The following ATAD2B variants were observed in gnomAD, a reference collection of about 807,000 sequenced individuals.
The protein encoded by ATAD2B is ATPase family AAA domain containing 2B.
ATAD2B carries 40 observed loss-of-function variants against 167.6 expected under a neutral mutation model. That is an observed-to-expected ratio of 0.24 (90% CI 0.19 to 0.31). The LOEUF is 0.31. Among genes scored for constraint, ATAD2B ranks in the 10% least tolerant of loss-of-function variants. The pLI, the probability that ATAD2B is intolerant of heterozygous loss-of-function variation, is 1.00. For missense variants in ATAD2B, 1,242 were observed against 1,757.2 expected (o/e 0.71, Z 5.24); for synonymous variants, 579 against 596.5 (o/e 0.97, Z 0.43).
intron 12 of ATAD2B, among the ~76,000 whole-genome samples, chr2:23,860,462 A>T (rs536251365): frequency 2.0e-5 from 3 of 152,304 alleles, no homozygotes; most frequent in Non-Finnish European, 4.4e-5. Context: ...TAAGTATTAG[A>T]TCTAGAAAGA....
chr2:23,860,603 G>A (rs1190063923), intron 12 of ATAD2B, among the ~76,000 whole-genome samples: 1 of 152,206 alleles, frequency 6.6e-6, no homozygotes, highest in African/African-American at 2.4e-5. Context: ...AGTTTACTAA[G>A]GAAGAGAGAT....
chr2:23,923,979 G>C (rs904941760), intron 1 of ATAD2B, among the ~76,000 whole-genome samples: 2 of 151,964 alleles, frequency 1.3e-5, no homozygotes, highest in African/African-American at 4.8e-5. Context: ...TCAGGAGATC[G>C]ACACCATCCT....
At position 23,863,167 on chromosome 2, in the gene ATAD2B, G is replaced by A. The variant is rs528523103; in HGVS notation, c.1479+214C>T. ...TAAAAAATACAAAAATCAGCCAGGCGTGGTGATGCACACCTGTAGTTCAGG... is the reference window on the plus strand; with the variant it reads ...TAAAAAATACAAAAATCAGCCAGGCATGGTGATGCACACCTGTAGTTCAGG... On this transcript the variant is annotated intron_variant, in intron 12 of 27. Transcript: ENST00000238789. Among the ~76,000 whole-genome samples the A allele has an allele frequency of 1.1e-3, 170 of 152,226 alleles. 1 individual carries two copies. The highest frequency in any genetic ancestry group is 4.0e-3 in the African/African-American group (166 of 41,548).
At chr2:23,783,486 G>T (rs1024641207) in intron 21 of ATAD2B, among the ~76,000 whole-genome samples, 5 of 151,902 alleles carry the variant, frequency 3.3e-5, no homozygotes, top group Non-Finnish European at 5.9e-5. Context: ...GTTTTCTAGA[G>T]TGAACTATTT....
intron 22 of ATAD2B, among the ~76,000 whole-genome samples, chr2:23,766,046 T>C (rs978046270): frequency 5.3e-5 from 8 of 152,180 alleles, no homozygotes; most frequent in African/African-American, 1.2e-4. Flanking sequence ...TAAGTTGACA[T>C]TGGTCAAAAC....
chr2:23,840,222 A>G (rs944772876), intron 13 of ATAD2B, among the ~76,000 whole-genome samples: 7 of 152,114 alleles, frequency 4.6e-5, no homozygotes, highest in African/African-American at 7.2e-5. Context: ...ATTTTCCCCT[A>G]TGTTTTTTCT....
At chr2:23,825,333 T>C (rs777470576) in intron 15 of ATAD2B, among the ~76,000 whole-genome samples, 15 of 152,032 alleles carry the variant, frequency 9.9e-5, no homozygotes, top group Non-Finnish European at 1.6e-4. Context: ...CTATTCAAAG[T>C]TAGGGAAAAA....
chr2:23,797,942 T>C (rs17462558), intron 19 of ATAD2B, among the ~76,000 whole-genome samples, 196 bp downstream of exon 19: 18,300 of 152,120 alleles, frequency 0.12, 1,174 homozygotes, highest in Middle Eastern at 0.22. Flanking sequence ...ATAACAACAC[T>C]GTGGAATACC....
chr2:23,789,974 G>T (rs1489342841), intron 19 of ATAD2B, among the ~76,000 whole-genome samples: 1 of 152,122 alleles, frequency 6.6e-6, no homozygotes, highest in East Asian at 1.9e-4. Context: ...TCAAAAACTG[G>T]ATGGGGAATT....
the ATAD2B span, among the ~76,000 whole-genome samples, chr2:23,685,838 G>T: frequency 6.6e-6 from 1 of 152,224 alleles, no homozygotes; most frequent in Non-Finnish European, 1.5e-5. Flanking sequence ...GGACAGCAGG[G>T]GCCCGCATCG....
At chr2:23,741,953 A>T in the ATAD2B span, among the ~76,000 whole-genome samples, 2 of 152,248 alleles carry the variant, frequency 1.3e-5, no homozygotes, top group African/African-American at 2.4e-5. Flanking sequence ...ACATGAAAAA[A>T]TGCTCATCAT....
In ATAD2B at chr2:23,749,242, C is replaced by T. The variant is rs1379143836; in HGVS notation, c.*2804G>A. 5 of 151,992 alleles carry T rather than the reference C, an allele frequency of 3.3e-5. No individual in the cohort carries two copies. Among genetic ancestry groups the T allele is most frequent in the African/African-American group, 1.2e-4 (5 of 41,474 alleles). 9.4% of individuals were successfully genotyped at this position (151,992 alleles called of 1,614,324 possible). A position where few individuals can be genotyped will look rare whatever the true frequency, so the allele number is the denominator to read the frequency against. On this transcript the variant is annotated 3_prime_UTR_variant, in exon 28 of 28. Coordinates refer to ENST00000238789, the MANE Select transcript of ATAD2B (RefSeq NM_017552.4). The stretch of plus-strand genomic sequence containing the variant: ...AACTCCACAGCCATCAGTTTCAACC[C>T]TAGTGCGGTTCCATCATCTTCAAAA...
intron 2 of ATAD2B, among the ~76,000 whole-genome samples, chr2:23,894,924 A>G (rs1699989878): frequency 6.6e-6 from 1 of 152,212 alleles, no homozygotes; most frequent in Admixed American, 6.5e-5. Flanking sequence ...GAGACCCCTT[A>G]GGGACTAATA....
At chr2:23,899,918 CTTTTTTTTTTTTT>C (rs34685891) in intron 1 of ATAD2B, among the ~76,000 whole-genome samples, 6 of 83,604 alleles carry the variant, frequency 7.2e-5, no homozygotes, top group Admixed American at 3.4e-4. Flanking sequence ...AGTTTTCTTA[CTTTTTTTTTTTTT>C]TTTTTTTTTT....
chr2:23,849,552 CCAGA>C (rs1434675002), intron 13 of ATAD2B, among the ~76,000 whole-genome samples: 1 of 152,194 alleles, frequency 6.6e-6, no homozygotes, highest in African/African-American at 2.4e-5. Flanking sequence ...ACAAAAGAGG[CCAGA>C]CACAGTGGCT....
chr2:23,868,856 G>T (rs760598834), intron 9 of ATAD2B, among the ~76,000 whole-genome samples: 4 of 152,030 alleles, frequency 2.6e-5, no homozygotes, highest in Non-Finnish European at 5.9e-5. Flanking sequence ...CCTCAAAAAA[G>T]TCTAGCATCT....
intron 7 of ATAD2B, among the ~76,000 whole-genome samples, chr2:23,877,364 T>A (rs1338781406): frequency 2.0e-5 from 3 of 149,152 alleles, no homozygotes; most frequent in Non-Finnish European, 1.5e-5. Context: ...CATGGTGGCA[T>A]GCGCCTGTAA....
chr2:23,703,694 C>T, the ATAD2B span: 1 of 1,520,876 alleles, frequency 6.6e-7, no homozygotes, highest in African/African-American at 1.4e-5. Context: ...GCTGCCGTGA[C>T]CTGCCTGCTC....
At chr2:23,686,510 C>T in the ATAD2B span, among the ~76,000 whole-genome samples, 1 of 151,948 alleles carries the variant, frequency 6.6e-6, no homozygotes, top group Non-Finnish European at 1.5e-5. Context: ...CTGACACCTC[C>T]GGGGGATGGG....
Sources: allele counts gnomAD v4.1 joint callset (sites outside exome capture counted in the v4.1 genomes callset), GRCh38; gene constraint gnomAD v4.1.1; transcripts MANE v1.5; gene names NCBI Gene and HGNC (gene_info 2026-07-23, HGNC 2026-07-21).